The following GFOD1 variants were observed in gnomAD, a reference collection of about 807,000 sequenced individuals.
GFOD1 encodes the protein glucose-fructose oxidoreductase domain-containing protein 1.
Under a neutral mutation model 25.4 loss-of-function variants are expected in GFOD1, and 9 were observed. That is an observed-to-expected ratio of 0.35 (90% CI 0.21 to 0.62). The LOEUF is 0.62. Ranked by LOEUF, GFOD1 falls within the 20% of genes least tolerant of loss-of-function variation. The pLI is 0.72. For missense variants in GFOD1, 403 were observed against 556.9 expected, an observed-to-expected ratio of 0.72 and a Z score of 2.78; for synonymous variants, 253 against 245.6, an observed-to-expected ratio of 1.03 and a Z score of -0.28.
At chr6:13,407,892 C>T (rs1354994331) in intron 1 of GFOD1, 1 of 821,894 alleles carries the variant, frequency 1.2e-6, no homozygotes, top group Non-Finnish European at 1.4e-6. Flanking sequence ...TCTCAACCAC[C>T]CTCCTCCCTG....
intron 1 of GFOD1, among the ~76,000 whole-genome samples, chr6:13,423,087 G>A (rs1562214443): frequency 6.6e-6 from 1 of 152,142 alleles, no homozygotes; most frequent in Non-Finnish European, 1.5e-5. Flanking sequence ...CCTTGCAGCT[G>A]GGTTACTGAA....
intron 1 of GFOD1, among the ~76,000 whole-genome samples, chr6:13,384,557 C>A (rs1033705236): frequency 6.6e-6 from 1 of 152,214 alleles, no homozygotes; most frequent in Non-Finnish European, 1.5e-5. Flanking sequence ...GTCTCCTCTG[C>A]ATACTTCACT....
chr6:13,450,758 A>T (rs1195854589), intron 1 of GFOD1, among the ~76,000 whole-genome samples: 1 of 152,182 alleles, frequency 6.6e-6, no homozygotes, highest in Admixed American at 6.5e-5. Flanking sequence ...GTTCAGTATA[A>T]ATCATACTGT....
intron 1 of GFOD1, among the ~76,000 whole-genome samples, chr6:13,391,785 G>A (rs1036209921): frequency 1.3e-5 from 2 of 152,196 alleles, no homozygotes; most frequent in African/African-American, 4.8e-5. Context: ...GGATATAAGG[G>A]TATCGACTTC....
At chr6:13,447,269 G>T (rs1325908036) in intron 1 of GFOD1, among the ~76,000 whole-genome samples, 1 of 152,136 alleles carries the variant, frequency 6.6e-6, no homozygotes, top group Non-Finnish European at 1.5e-5. Flanking sequence ...TAGTTTGCTG[G>T]CAATCGTTGG....
intron 1 of GFOD1, among the ~76,000 whole-genome samples, chr6:13,371,259 C>G (rs1785149392): frequency 6.6e-6 from 1 of 152,140 alleles, no homozygotes; most frequent in Non-Finnish European, 1.5e-5. Context: ...CAAAGGCTTT[C>G]CCCCTTTTGC....
intron 1 of GFOD1, among the ~76,000 whole-genome samples, chr6:13,425,793 C>T (rs1403098583): frequency 6.6e-6 from 1 of 151,560 alleles, no homozygotes; most frequent in Non-Finnish European, 1.5e-5. Flanking sequence ...AATCTTTTGG[C>T]TTCCCTGGGC....
intron 1 of GFOD1, among the ~76,000 whole-genome samples, chr6:13,368,653 G>C (rs1785092905): frequency 6.6e-6 from 1 of 152,096 alleles, no homozygotes; most frequent in Non-Finnish European, 1.5e-5. Flanking sequence ...CATCTGCTTA[G>C]TATACGCTAT....
At chr6:13,406,504 G>A (rs920326413) in intron 1 of GFOD1, among the ~76,000 whole-genome samples, 1 of 152,134 alleles carries the variant, frequency 6.6e-6, no homozygotes, top group African/African-American at 2.4e-5. Context: ...CTAAACAGAC[G>A]GGAGGGGAGG....
At chr6:13,455,956 T>C (rs866537776) in intron 1 of GFOD1, among the ~76,000 whole-genome samples, 5 of 152,206 alleles carry the variant, frequency 3.3e-5, no homozygotes, top group Admixed American at 2.0e-4. Flanking sequence ...GACTGCTGTT[T>C]ATTCAGACAA....
chr6:13,368,584 T>A (rs1785091510), intron 1 of GFOD1, among the ~76,000 whole-genome samples: 1 of 152,200 alleles, frequency 6.6e-6, no homozygotes, highest in Non-Finnish European at 1.5e-5. Flanking sequence ...CCATTGGGTG[T>A]AGGCTCTGGC....
chr6:13,435,399 C>T (rs1417139272), intron 1 of GFOD1, among the ~76,000 whole-genome samples: 1 of 152,218 alleles, frequency 6.6e-6, no homozygotes, highest in Non-Finnish European at 1.5e-5. Flanking sequence ...TCACGAACTA[C>T]TTCAGACCCC....
In GFOD1 at chr6:13,449,624, G is replaced by A. The variant is rs1031999228; in HGVS notation, c.253+37014C>T. 4.9e-4 allele frequency among the ~76,000 whole-genome samples: 75 copies of A among 152,144 alleles called. 1 individual carries two copies. The highest frequency in any genetic ancestry group is 6.5e-4 in the Non-Finnish European group (44 of 67,992). On this transcript the variant is annotated intron_variant, in intron 1 of 1. Coordinates refer to ENST00000379287, the MANE Select transcript of GFOD1 (RefSeq NM_018988.4). ...CCCAGTGGGAGATAACTGAATCATCGGGGCGGTTTCCCCCATATTGTTCTC... is the reference window on the plus strand; with the variant it reads ...CCCAGTGGGAGATAACTGAATCATCAGGGCGGTTTCCCCCATATTGTTCTC...
chr6:13,486,139 G>T, intron 1 of GFOD1: 1 of 987,830 alleles, frequency 1.0e-6, no homozygotes, highest in Non-Finnish European at 1.2e-6. Context: ...GTCCTCTATC[G>T]CACCCAAGAA....
chr6:13,387,311 CA>C (rs1160804623), intron 1 of GFOD1, among the ~76,000 whole-genome samples: 2 of 151,982 alleles, frequency 1.3e-5, no homozygotes, highest in East Asian at 1.9e-4. Context: ...AGAGACACAA[CA>C]AAAAAAGAGA....
Position 13,364,983 on chromosome 6 carries a change from C to T in GFOD1, c.933G>A (p.Gln311=). The change falls in exon 2 of 2, where the codon CAG becomes CAA. Residue 311 remains glutamine, a synonymous_variant. Coordinates refer to ENST00000379287, the MANE Select transcript of GFOD1 (RefSeq NM_018988.4). The surrounding 1 kb of genome is among the most constrained non-coding windows in gnomAD (Gnocchi z 4.1). The part of the protein sequence containing the change: ...PYLRGTIKMM[Q]AVRQAFQDQD... ...GGTCCTGGAAGGCCTGGCGCACCGC[C>T]TGCATCATCTTGATGGTGCCGCGCA... The T allele has an allele frequency of 6.2e-7, 1 of 1,610,520 alleles. No individual in the cohort carries two copies.
intron 1 of GFOD1, among the ~76,000 whole-genome samples, chr6:13,451,055 T>C (rs77343626): frequency 0.026 from 3,960 of 152,318 alleles, 92 homozygotes; most frequent in Non-Finnish European, 0.038. Flanking sequence ...GCTGGCCCCA[T>C]GTGATGCAAT....
chr6:13,361,802 T>C lies in GFOD1; in HGVS notation c.*2941A>G, dbSNP rs1207187714. On this transcript the variant is annotated 3_prime_UTR_variant, in exon 2 of 2. Coordinates refer to ENST00000379287, the MANE Select transcript of GFOD1 (RefSeq NM_018988.4). ...TAAAATTTGAGTACACACACTAAAATATTTTTTCATGCCTCTTTTAAAGAA... is the reference window on the plus strand; with the variant it reads ...TAAAATTTGAGTACACACACTAAAACATTTTTTCATGCCTCTTTTAAAGAA... 1 of 152,202 alleles carries C rather than the reference T, an allele frequency of 6.6e-6. No individual in the cohort carries two copies. The highest frequency in any genetic ancestry group is 1.5e-5 in the Non-Finnish European group (1 of 68,044). 9.4% of individuals were successfully genotyped at this position (152,202 alleles called of 1,614,324 possible).
At chr6:13,395,225 C>A (rs1562204645) in intron 1 of GFOD1, among the ~76,000 whole-genome samples, 1 of 151,978 alleles carries the variant, frequency 6.6e-6, no homozygotes, top group Admixed American at 6.6e-5. Context: ...AAAAAATTGC[C>A]CTCACAATGT....
Sources: gnomAD v4.1 joint callset for allele counts (sites outside exome capture counted in the v4.1 genomes callset) on GRCh38, gnomAD v4.1.1 for gene constraint, Gnocchi (gnomAD v3.1) non-coding constraint, MANE v1.5 for transcripts, NCBI Gene and HGNC (gene_info 2026-07-23, HGNC 2026-07-21) for gene names.